The following PLEKHH3 variants were observed in gnomAD, a reference collection of about 807,000 sequenced individuals.
PLEKHH3 encodes the protein pleckstrin homology domain-containing family H member 3.
PLEKHH3 carries 57 observed loss-of-function variants against 77.8 expected under a neutral mutation model. The observed-to-expected ratio is 0.73, with a 90% confidence interval of 0.59 to 0.91. The LOEUF is 0.91. Ranked by LOEUF, PLEKHH3 falls within the 40% of genes least tolerant of loss-of-function variation. The probability of loss-of-function intolerance (pLI) is 0.00; values close to 1 mark genes in which losing one functional copy is unlikely to be tolerated. For synonymous variants in PLEKHH3, 467 were observed against 504.8 expected (o/e 0.93, Z 1.00); for missense variants, 1,082 against 1,091.2 (o/e 0.99, Z 0.12).
In PLEKHH3 at chr17:42,673,916, A is replaced by C; in HGVS notation, c.298+18T>G. 6.2e-7 allele frequency: 1 copy of C among 1,612,204 alleles called. No homozygotes were observed. Among genetic ancestry groups the C allele is most frequent in the Non-Finnish European group, 8.5e-7 (1 of 1,179,478 alleles). On this transcript the variant is annotated intron_variant, in intron 3 of 12. Coordinates refer to ENST00000591022, the MANE Select transcript of PLEKHH3 (RefSeq NM_024927.5). The stretch of plus-strand genomic sequence containing the variant: ...TTGGGATTGGGGGCCTCCAGAGTGC[A>C]CTGAGGGGGGTCTCTACCTTTCACA...
Position 42,673,560 on chromosome 17 carries a change from G to T in PLEKHH3, c.491-4C>A, listed in dbSNP as rs201337089. The T allele has an allele frequency of 8.2e-4, 1,298 of 1,589,122 alleles. No homozygotes were observed. Among genetic ancestry groups the T allele is most frequent in the Admixed American group, 2.0e-3 (116 of 58,144 alleles). The stretch of plus-strand genomic sequence containing the variant: ...GACACAGTCACTGACCACAGACCTG[G>T]GGAAAAGAGAGGCCAGGGAGGGCCA... On this transcript the variant is annotated splice_polypyrimidine_tract_variant and splice_region_variant and intron_variant, in intron 4 of 12. Transcript: ENST00000591022.
At chr17:42,668,853 G>A (rs2052620177) in intron 12 of PLEKHH3, 1 of 151,504 alleles carries the variant, frequency 6.6e-6, no homozygotes, top group Non-Finnish European at 1.5e-5. Context: ...TTGAGACGGA[G>A]TCTTGCTCTG....
Position 42,668,184 on chromosome 17 carries a change from G to A in PLEKHH3, c.2325C>T (p.Arg775=). The A allele has an allele frequency of 1.3e-6, 2 of 1,549,922 alleles. No individual in the cohort carries two copies. Among genetic ancestry groups the A allele is most frequent in the Non-Finnish European group, 1.7e-6 (2 of 1,154,808 alleles). ...GTCCCTGGGGCTCGTCCAGGCCCGG[G>A]CGCTGGCTGGGAGGGGAGGTGTCTG... ...DLPDTSPPSQ[R]PGLDEPQGQS... The change falls in exon 13 of 13, where the codon CGC becomes CGT. Residue 775 remains arginine, a synonymous_variant. Coordinates refer to ENST00000591022, the MANE Select transcript of PLEKHH3 (RefSeq NM_024927.5).
chr17:42,671,051 T>G lies in PLEKHH3; in HGVS notation c.1364A>C (p.Gln455Pro). ...AFALYEQRGA[Q>P]ERALAGGTLV... ...GGTCCCCCCAGCCAGGGCTCGCTCC[T>G]GGGCCCCTCGCTGCTCGTACAGCGC... Residue 455 changes from glutamine (Q) to proline (P), a missense_variant, in exon 9 of 13, where the codon CAG (glutamine) becomes CCG (proline). By Grantham distance (76) the Gln-to-Pro change is moderately conservative. Around this residue, in one of 3 missense-constraint regions of PLEKHH3, gnomAD observed 733 missense variants for 750.0 expected, o/e 0.98. Coordinates refer to ENST00000591022, the MANE Select transcript of PLEKHH3 (RefSeq NM_024927.5). This position sits in a 1 kb window ranked among gnomAD's most constrained non-coding sequence, Gnocchi z 4.7. 4 of 1,610,304 alleles carry G rather than the reference T, an allele frequency of 2.5e-6. No individual in the cohort carries two copies. The highest frequency in any genetic ancestry group is 3.4e-6 in the Non-Finnish European group (4 of 1,178,780).
In PLEKHH3 at chr17:42,668,699, C is replaced by T. The variant is rs148624619; in HGVS notation, c.2206-396G>A. On this transcript the variant is annotated intron_variant, in intron 12 of 12. Coordinates refer to ENST00000591022, the MANE Select transcript of PLEKHH3 (RefSeq NM_024927.5). ...GTCTCGATCTCCTGACCTCATGATC[C>T]GCCCATCTCGGCCTCCCAAAGTGCT... is the stretch of plus-strand genomic sequence containing the variant. 155 of 153,990 alleles carry T rather than the reference C, an allele frequency of 1.0e-3. 1 individual carries two copies. The East Asian group carries it at 0.022, about 22-fold the overall frequency. The allele number at this position is 153,990 out of a possible 1,614,324, so 9.5% of individuals were successfully genotyped here.
In PLEKHH3 at chr17:42,671,089, G is replaced by A. The variant is rs757325105; in HGVS notation, c.1326C>T (p.Ser442=). ...ELVGRLGLAR[S]RNAFALYEQR... ...GCTCGTACAGCGCGAATGCGTTGCGGCTCCGGGCCAAGCCCAGCCGCCCCA... is the reference window on the plus strand; with the variant it reads ...GCTCGTACAGCGCGAATGCGTTGCGACTCCGGGCCAAGCCCAGCCGCCCCA... The change falls in exon 9 of 13, where the codon AGC becomes AGT. Residue 442 remains serine (S), a synonymous_variant. Transcript: ENST00000591022. This position sits in a 1 kb window ranked among gnomAD's most constrained non-coding sequence, Gnocchi z 4.7. 28 of 1,603,366 alleles carry A rather than the reference G, an allele frequency of 1.7e-5. No individual in the cohort carries two copies. Among genetic ancestry groups the A allele is most frequent in the Non-Finnish European group, 2.3e-5 (27 of 1,173,780 alleles).
chr17:42,669,388 C>A, intron 12 of PLEKHH3, 42 bp downstream of exon 12: 1 of 1,486,374 alleles, frequency 6.7e-7, no homozygotes, highest in Non-Finnish European at 9.0e-7. Context: ...CCTGACATCG[C>A]TTCCCTTCTC....
chr17:42,670,637 TGAAGAC>T lies in PLEKHH3; in HGVS notation c.1484_1489del (p.Arg495_Leu496del), dbSNP rs2143566294. ...CAGCCCCTCAGGGTGCAGAGGTCCG[TGAAGAC>T]GCAGACATAGTCTCCACCCGGAGTC... On this transcript the variant is annotated inframe_deletion, in exon 10 of 13. Transcript: ENST00000591022. The T allele has an allele frequency of 2.5e-6, 4 of 1,613,092 alleles. No individual in the cohort carries two copies. The East Asian group carries it at 6.7e-5, about 27-fold the overall frequency.
In PLEKHH3 at chr17:42,676,668, G is replaced by C. The variant is rs2052835482; in HGVS notation, c.-105C>G. Reference sequence around the variant, plus strand: ...CCCGAGCAGGGGAAAGATGAGGTGGGAGGAGCAGAAGGGAGAAGAGGACAG... The same window carrying C: ...CCCGAGCAGGGGAAAGATGAGGTGGCAGGAGCAGAAGGGAGAAGAGGACAG... On this transcript the variant is annotated 5_prime_UTR_variant, in exon 1 of 13. Transcript: ENST00000591022. This position sits in a 1 kb window ranked among gnomAD's most constrained non-coding sequence, Gnocchi z 6.6. 2 of 1,151,648 alleles carry C rather than the reference G, an allele frequency of 1.7e-6. No individual in the cohort carries two copies. Among genetic ancestry groups the C allele is most frequent in the Admixed American group, 4.1e-5 (2 of 48,248 alleles). 71.3% of individuals were successfully genotyped at this position (1,151,648 alleles called of 1,614,324 possible).
intron 9 of PLEKHH3, 45 bp downstream of exon 9, chr17:42,670,949 A>G (rs1304602007): frequency 6.3e-7 from 1 of 1,589,456 alleles, no homozygotes; most frequent in Admixed American, 1.9e-5. Context: ...CTCAGCTGAG[A>G]AGTGGATGGG....
At position 42,673,928 on chromosome 17, in the gene PLEKHH3, C is replaced by G. The variant is rs200603180; in HGVS notation, c.298+6G>C. On this transcript the variant is annotated splice_donor_region_variant and intron_variant, in intron 3 of 12. Coordinates refer to ENST00000591022, the MANE Select transcript of PLEKHH3 (RefSeq NM_024927.5). ...GCCTCCAGAGTGCACTGAGGGGGGT[C>G]TCTACCTTTCACAACGATGTCCGGG... is the stretch of plus-strand genomic sequence containing the variant. 1.9e-5 allele frequency: 31 copies of G among 1,613,194 alleles called. No individual in the cohort carries two copies. In the African/African-American group the frequency reaches 3.2e-4, roughly 17 times the overall value.
rs1488004210 is a variant in PLEKHH3 at position 42,669,912 on chromosome 17, C to T, written c.2013+6G>A. Reference sequence around the variant, plus strand: ...CCAGAGTCCCCTTCTCCCTTCTCCCCCTCACCGTGCTCAGCTCCAGAACGT... The same window carrying T: ...CCAGAGTCCCCTTCTCCCTTCTCCCTCTCACCGTGCTCAGCTCCAGAACGT... On this transcript the variant is annotated splice_donor_region_variant and intron_variant, in intron 11 of 12. Transcript: ENST00000591022. 6.2e-7 allele frequency: 1 copy of T among 1,613,484 alleles called. No individual in the cohort carries two copies. Among genetic ancestry groups the T allele is most frequent in the Non-Finnish European group, 8.5e-7 (1 of 1,179,886 alleles).
chr17:42,673,366 TC>T, intron 5 of PLEKHH3, 32 bp downstream of exon 5: 1 of 1,610,972 alleles, frequency 6.2e-7, no homozygotes. Context: ...AGCTTTGGGG[TC>T]CACCACTCTC....
chr17:42,676,460 TCGTCCC>T lies in PLEKHH3; in HGVS notation c.98_103del (p.Gly33_Asp34del). On this transcript the variant is annotated inframe_deletion, in exon 1 of 13. Transcript: ENST00000591022. The surrounding 1 kb of genome is among the most constrained non-coding windows in gnomAD (Gnocchi z 6.6). ...CTCAAAGGTTTCCTCGTCCTCGTCC[TCGTCCC>T]CGTCCCCGCTAAGCTCGCCGTCCCC... 2.2e-5 allele frequency: 35 copies of T among 1,613,142 alleles called. No individual in the cohort carries two copies. The highest frequency in any genetic ancestry group is 3.0e-5 in the Non-Finnish European group (35 of 1,179,820).
chr17:42,669,618 G>T lies in PLEKHH3; in HGVS notation c.2017C>A (p.Pro673Thr), dbSNP rs147869522. 3 of 1,601,914 alleles carry T rather than the reference G, an allele frequency of 1.9e-6. No homozygotes were observed. Among genetic ancestry groups the T allele is most frequent in the Non-Finnish European group, 2.6e-6 (3 of 1,171,212 alleles). ...AGCTTCTGTGGAGCACCCCGACCAG[G>T]CTCCTGCAGACAGAGAGGCAGAGTC... ...RYDVLELSTE[P>T]GRGAPQKLCL... Residue 673 changes from proline to threonine, a missense_variant, in exon 12 of 13, where the codon CCT becomes ACT. Around this residue, in one of 3 missense-constraint regions of PLEKHH3, gnomAD observed 733 missense variants for 750.0 expected, o/e 0.98. Transcript: ENST00000591022.
In PLEKHH3 at chr17:42,671,104, C is replaced by G; in HGVS notation, c.1311G>C (p.Leu437=). The change falls in exon 9 of 13, where the codon CTG becomes CTC. Residue 437 remains leucine (L), a synonymous_variant. Coordinates refer to ENST00000591022, the MANE Select transcript of PLEKHH3 (RefSeq NM_024927.5). This position sits in a 1 kb window ranked among gnomAD's most constrained non-coding sequence, Gnocchi z 4.7. ...GEVARELVGR[L]GLARSRNAFA... ...ATGCGTTGCGGCTCCGGGCCAAGCC[C>G]AGCCGCCCCACCAGCTCTCGAGCCA... The G allele has an allele frequency of 6.3e-7, 1 of 1,595,530 alleles. No individual in the cohort carries two copies. Among genetic ancestry groups the G allele is most frequent in the East Asian group, 2.2e-5 (1 of 44,504 alleles).
intron 9 of PLEKHH3, 97 bp downstream of exon 9, chr17:42,670,897 G>A: frequency 6.4e-7 from 1 of 1,554,388 alleles, no homozygotes; most frequent in East Asian, 2.3e-5. Flanking sequence ...CACAGCGCAG[G>A]GCCAGGGGCA....
At chr17:42,670,521 G>C (rs2052670003) in intron 10 of PLEKHH3, 52 bp downstream of exon 10, 1 of 1,563,948 alleles carries the variant, frequency 6.4e-7, no homozygotes, top group African/African-American at 1.4e-5. Flanking sequence ...TAGAAAACCA[G>C]GGGTTCAGGC....
chr17:42,674,138 C>A, intron 2 of PLEKHH3, 125 bp from the exon 3 acceptor site: 1 of 1,155,072 alleles, frequency 8.7e-7, no homozygotes, highest in Non-Finnish European at 1.2e-6. Context: ...GCTGTGGGAA[C>A]CGCTGGGCCA....
Sources: allele counts gnomAD v4.1 joint callset, GRCh38; gene constraint gnomAD v4.1.1; regional missense constraint gnomAD v4.1.1; non-coding constraint Gnocchi (gnomAD v3.1); transcripts MANE v1.5; gene names NCBI Gene and HGNC (gene_info 2026-07-23, HGNC 2026-07-21).